WDR72: variants seen among roughly 807,000 people sequenced by gnomAD.
WDR72 encodes the protein WD repeat domain 72.
Under a neutral mutation model 124.2 loss-of-function variants are expected in WDR72, and 120 were observed. That is an observed-to-expected ratio of 0.97 (90% CI 0.83 to 1.12). The LOEUF is 1.12. Among genes scored for constraint, WDR72 ranks in the 50% most tolerant of loss-of-function variants. The probability of loss-of-function intolerance (pLI) is 0.00; values close to 1 mark genes in which losing one functional copy is unlikely to be tolerated. For missense variants in WDR72, 1,387 were observed against 1,278.8 expected, an observed-to-expected ratio of 1.08 and a Z score of -1.29; for synonymous variants, 452 against 441.7, an observed-to-expected ratio of 1.02 and a Z score of -0.29.
At chr15:53,628,357 G>A (rs980929008) in intron 14 of WDR72, among the ~76,000 whole-genome samples, 3 of 151,940 alleles carry the variant, frequency 2.0e-5, no homozygotes, top group African/African-American at 7.3e-5. Flanking sequence ...CCATCAAAAG[G>A]TTTATAACAA....
rs138290958 is a variant in WDR72, at chr15:53,555,282, G to C, written c.3149-31960C>G. Among the ~76,000 whole-genome samples the C allele has an allele frequency of 4.4e-4, 67 of 151,824 alleles. 1 individual carries two copies. The East Asian group carries it at 0.012, about 26-fold the overall frequency. On this transcript the variant is annotated intron_variant, in intron 18 of 19. Coordinates refer to ENST00000360509, the MANE Select transcript of WDR72 (RefSeq NM_182758.4). ...CTGTGCACCAACTCAGGAAGTGCAC[G>C]TGCACTTCACGGAGGACAGAGGCAG...
chr15:53,616,249 G>A lies in WDR72; in HGVS notation c.1963-6C>T, dbSNP rs765649009. Reference sequence around the variant, plus strand: ...CAAAATTTGGCATCAGTAACCTAAGGGAACAAAAAATATTTGTGTCAAAGT... The same window carrying A: ...CAAAATTTGGCATCAGTAACCTAAGAGAACAAAAAATATTTGTGTCAAAGT... On this transcript the variant is annotated splice_region_variant and splice_polypyrimidine_tract_variant and intron_variant, in intron 14 of 19. Coordinates refer to ENST00000360509, the MANE Select transcript of WDR72 (RefSeq NM_182758.4). 6.3e-6 allele frequency: 10 copies of A among 1,594,256 alleles called. No homozygotes were observed. Among genetic ancestry groups the A allele is most frequent in the South Asian group, 3.3e-5 (3 of 90,568 alleles).
rs569098126 is a variant in WDR72 at position 53,670,616 on chromosome 15, A to G, written c.1766-4848T>C. 1.1e-3 allele frequency among the ~76,000 whole-genome samples: 162 copies of G among 152,280 alleles called. 5 individuals are homozygous for G. The South Asian group carries it at 0.033, about 31-fold the overall frequency. The stretch of plus-strand genomic sequence containing the variant: ...TGTCCTGTAGTTAAATCCTTGTTTT[A>G]CCTTTGATAGCTGTGTGGCCTTGGA... On this transcript the variant is annotated intron_variant, in intron 13 of 19. Coordinates refer to ENST00000360509, the MANE Select transcript of WDR72 (RefSeq NM_182758.4).
intron 18 of WDR72, among the ~76,000 whole-genome samples, chr15:53,532,487 C>T (rs1892534110): frequency 6.6e-6 from 1 of 152,040 alleles, no homozygotes; most frequent in South Asian, 2.1e-4. Context: ...CTGTCATTTG[C>T]AACCATATGA....
chr15:53,683,089 CCTCA>C (rs140126618), intron 13 of WDR72, among the ~76,000 whole-genome samples: 4,110 of 152,104 alleles, frequency 0.027, 106 homozygotes, highest in East Asian at 0.069. Context: ...GTGAGAACTC[CCTCA>C]CTATCATGAG....
At chr15:53,731,066 A>G (rs1206508098) in intron 2 of WDR72, among the ~76,000 whole-genome samples, 1 of 152,202 alleles carries the variant, frequency 6.6e-6, no homozygotes, top group Non-Finnish European at 1.5e-5. Flanking sequence ...ATACGAATCA[A>G]TAACTTCTTT....
chr15:53,516,817 T>G lies in WDR72; in HGVS notation c.*882A>C, dbSNP rs1016507722. On this transcript the variant is annotated 3_prime_UTR_variant, in exon 20 of 20. Coordinates refer to ENST00000360509, the MANE Select transcript of WDR72 (RefSeq NM_182758.4). ...ACTGTACAATATAAATCATAGTAAA[T>G]AGATCACCAAAGGCTTTAATAGAAG... The G allele has an allele frequency of 3.9e-5, 6 of 152,100 alleles. No individual in the cohort carries two copies. Among genetic ancestry groups the G allele is most frequent in the Admixed American group, 2.6e-4 (4 of 15,246 alleles). The allele number at this position is 152,100 out of a possible 1,614,324, so 9.4% of individuals were successfully genotyped here.
At chr15:53,708,935 C>G (rs2017459650) in intron 9 of WDR72, among the ~76,000 whole-genome samples, 1 of 152,162 alleles carries the variant, frequency 6.6e-6, no homozygotes, top group Non-Finnish European at 1.5e-5. Flanking sequence ...AAGACGAATC[C>G]TCATTCTTAC....
chr15:53,712,680 G>GT (rs2017579267), intron 7 of WDR72, 92 bp downstream of exon 7: 4 of 1,238,326 alleles, frequency 3.2e-6, no homozygotes, highest in Non-Finnish European at 4.6e-6. Context: ...CAGAGAATTT[G>GT]TATCATATTT....
chr15:53,725,016 A>G (rs1024468930), intron 2 of WDR72, among the ~76,000 whole-genome samples: 1 of 152,052 alleles, frequency 6.6e-6, no homozygotes, highest in Non-Finnish European at 1.5e-5. Flanking sequence ...AAATAAGAAA[A>G]CAAGCCACAG....
intron 3 of WDR72, among the ~76,000 whole-genome samples, chr15:53,722,217 T>C (rs1160840605): frequency 2.0e-5 from 3 of 151,776 alleles, no homozygotes; most frequent in Non-Finnish European, 4.4e-5. Flanking sequence ...CTATTTTTAA[T>C]AGAGTCAGGG....
At chr15:53,551,706 A>C (rs1424656265) in intron 18 of WDR72, among the ~76,000 whole-genome samples, 1 of 152,190 alleles carries the variant, frequency 6.6e-6, no homozygotes, top group East Asian at 1.9e-4. Flanking sequence ...CAGACATAAG[A>C]TGGTCTAGAT....
chr15:53,547,306 A>G (rs541784358), intron 18 of WDR72, among the ~76,000 whole-genome samples: 18 of 152,268 alleles, frequency 1.2e-4, no homozygotes, highest in African/African-American at 4.1e-4. Flanking sequence ...CTAATTTTGT[A>G]TTTTTGGTAG....
At chr15:53,755,602 G>A (rs1271274510) in intron 1 of WDR72, among the ~76,000 whole-genome samples, 2 of 152,184 alleles carry the variant, frequency 1.3e-5, no homozygotes, top group East Asian at 3.9e-4. Flanking sequence ...ATTTAACAAA[G>A]ATTTATAAAG....
intron 1 of WDR72, among the ~76,000 whole-genome samples, chr15:53,740,032 G>A (rs895624524): frequency 2.6e-5 from 4 of 152,120 alleles, no homozygotes; most frequent in African/African-American, 4.8e-5. Flanking sequence ...ATTACACTAA[G>A]GGATAAATAA....
intron 14 of WDR72, among the ~76,000 whole-genome samples, chr15:53,632,810 A>G (rs979604553): frequency 6.6e-6 from 1 of 152,134 alleles, no homozygotes; most frequent in African/African-American, 2.4e-5. Flanking sequence ...CTTGTATGGG[A>G]CCCGTAGTCC....
In WDR72 at chr15:53,521,593, A is replaced by T. The variant is rs530320734; in HGVS notation, c.3253+1625T>A. ...CTAATTAATCTTTCTTTCTTGATAA[A>T]CACGTTTGTGTGTATCAATCAGATA... On this transcript the variant is annotated intron_variant, in intron 19 of 19. Transcript: ENST00000360509. Among the ~76,000 whole-genome samples the T allele has an allele frequency of 5.9e-5, 9 of 152,176 alleles. 1 individual carries two copies. The South Asian group carries it at 1.9e-3, about 32-fold the overall frequency.
intron 2 of WDR72, among the ~76,000 whole-genome samples, chr15:53,724,529 T>A (rs1380200106): frequency 1.3e-5 from 2 of 152,244 alleles, no homozygotes; most frequent in East Asian, 3.9e-4. Context: ...GCACATCTTA[T>A]CATGGCAGAG....
intron 6 of WDR72, among the ~76,000 whole-genome samples, chr15:53,713,423 A>ATTTTGTTTTG (rs1333949162): frequency 2.3e-4 from 29 of 128,106 alleles, no homozygotes; most frequent in East Asian, 1.1e-3. Context: ...ATTTTATTTT[A>ATTTTGTTTTG]TTTTATTTTA....
Sources: allele counts gnomAD v4.1 joint callset (sites outside exome capture counted in the v4.1 genomes callset), GRCh38; gene constraint gnomAD v4.1.1; transcripts MANE v1.5; gene names NCBI Gene and HGNC (gene_info 2026-07-23, HGNC 2026-07-21).